FAM177A1: variants seen among roughly 807,000 people sequenced by gnomAD.
The protein encoded by FAM177A1 is protein FAM177A1.
A neutral mutation model predicts 26.1 loss-of-function variants in FAM177A1; 22 were observed. The observed-to-expected ratio is 0.84, with a 90% CI of 0.60 to 1.20. The LOEUF is 1.20. Ranked by LOEUF, FAM177A1 falls within the 50% of genes most tolerant of loss-of-function variation. The probability of loss-of-function intolerance (pLI) is 0.00; values close to 1 mark genes in which losing one functional copy is unlikely to be tolerated. For missense variants in FAM177A1, 296 were observed against 291.1 expected (o/e 1.02, Z -0.12); for synonymous variants, 95 against 99.3 (o/e 0.96, Z 0.26).
At chr14:35,061,676 A>G (rs1449635028) in intron 2 of FAM177A1, among the ~76,000 whole-genome samples, 2 of 149,694 alleles carry the variant, frequency 1.3e-5, no homozygotes, top group Admixed American at 6.7e-5. Flanking sequence ...TGACAAGTTA[A>G]TGGGTGCAGC....
chr14:35,066,801 A>G (rs934893272), intron 2 of FAM177A1, among the ~76,000 whole-genome samples: 1 of 143,074 alleles, frequency 7.0e-6, no homozygotes, highest in African/African-American at 2.6e-5. Context: ...TGAATCTTGA[A>G]TCTTTTTTTT....
intron 1 of FAM177A1, among the ~76,000 whole-genome samples, chr14:35,049,026 G>A (rs1213968178): frequency 6.6e-6 from 1 of 151,960 alleles, no homozygotes; most frequent in Non-Finnish European, 1.5e-5. Context: ...GAGTAGCTAG[G>A]ACTACAGGCG....
rs765467452 is a variant in FAM177A1, at chr14:35,046,531, C to T, written c.68C>T (p.Thr23Met). Residue 23 changes from threonine (T) to methionine (M), a missense_variant, in exon 1 of 5, where the codon ACG becomes ATG. By Grantham distance (81) the Thr-to-Met change is moderately conservative. Transcript: ENST00000280987. ...GCCAGCAGCCCTGTGGTGGCGACGACGATGGACCAGGAGCCAGTGGGCGGT... is the reference window on the plus strand; with the variant it reads ...GCCAGCAGCCCTGTGGTGGCGACGATGATGGACCAGGAGCCAGTGGGCGGT... ...TSASSPVVATTMDQEPVGGVE... is the reference protein window; with the variant it reads ...TSASSPVVATMMDQEPVGGVE... The T allele has an allele frequency of 1.7e-5, 28 of 1,602,842 alleles. No individual in the cohort carries two copies. The South Asian group carries it at 2.8e-4, about 16-fold the overall frequency.
chr14:35,062,985 TA>T (rs1001005786), intron 2 of FAM177A1, among the ~76,000 whole-genome samples: 290 of 140,078 alleles, frequency 2.1e-3, no homozygotes, highest in African/African-American at 5.3e-3. Context: ...TAGTATCATT[TA>T]AAAAAAAAAA....
chr14:35,059,969 TTTTTG>T (rs994481635), intron 2 of FAM177A1, among the ~76,000 whole-genome samples: 5 of 149,476 alleles, frequency 3.3e-5, no homozygotes, highest in African/African-American at 1.2e-4. Context: ...CTGGCTGTTT[TTTTTG>T]TTTTGTTTTG....
rs2045508498 is a variant in FAM177A1, at chr14:35,082,933, G to A, written c.*1705G>A. On this transcript the variant is annotated 3_prime_UTR_variant, in exon 5 of 5. Coordinates refer to ENST00000280987, the MANE Select transcript of FAM177A1 (RefSeq NM_173607.5). ...GGAATGGTGGTTCATAGTAAGTGATGGTAATCTTTTTATTCATGGGTGTAA... is the reference window on the plus strand; with the variant it reads ...GGAATGGTGGTTCATAGTAAGTGATAGTAATCTTTTTATTCATGGGTGTAA... 1 of 152,078 alleles carries A rather than the reference G, an allele frequency of 6.6e-6. No homozygotes were observed. 9.4% of individuals were successfully genotyped at this position (152,078 alleles called of 1,614,324 possible).
chr14:35,052,516 G>T (rs1395361494), intron 1 of FAM177A1, among the ~76,000 whole-genome samples: 1 of 151,930 alleles, frequency 6.6e-6, no homozygotes, highest in South Asian at 2.1e-4. Context: ...CCAACTTCAG[G>T]CAGTTTTATT....
chr14:35,060,130 T>C (rs560563243), intron 2 of FAM177A1, among the ~76,000 whole-genome samples: 1 of 152,118 alleles, frequency 6.6e-6, no homozygotes, highest in East Asian at 1.9e-4. Flanking sequence ...TGCACCACCA[T>C]GCCCGGGCTA....
At chr14:35,063,528 A>G (rs926638703) in intron 2 of FAM177A1, among the ~76,000 whole-genome samples, 2 of 151,932 alleles carry the variant, frequency 1.3e-5, no homozygotes, top group African/African-American at 4.8e-5. Context: ...CAGTGAGTCA[A>G]GATCCCGCCA....
At chr14:35,063,327 C>G (rs574432522) in intron 2 of FAM177A1, among the ~76,000 whole-genome samples, 12 of 151,982 alleles carry the variant, frequency 7.9e-5, no homozygotes, top group African/African-American at 2.9e-4. Flanking sequence ...AATCCCAGCA[C>G]TTTGGGAAGC....
chr14:35,083,111 ATATT>A lies in FAM177A1; in HGVS notation c.*1889_*1892del, dbSNP rs906752186. The A allele has an allele frequency of 5.2e-5, 8 of 152,636 alleles. No individual in the cohort carries two copies. The highest frequency in any genetic ancestry group is 3.4e-3 in the Middle Eastern group (1 of 294). The allele number at this position is 152,636 out of a possible 1,614,324, so 9.5% of individuals were successfully genotyped here. ...TCGAGATAGTACCTCTCACTCACAG[ATATT>A]TATTTGGTTATCAAGTGAAGATAGG... On this transcript the variant is annotated 3_prime_UTR_variant, in exon 5 of 5. Coordinates refer to ENST00000280987, the MANE Select transcript of FAM177A1 (RefSeq NM_173607.5).
At chr14:35,070,088 C>T (rs1189472233) in intron 2 of FAM177A1, among the ~76,000 whole-genome samples, 1 of 120,944 alleles carries the variant, frequency 8.3e-6, no homozygotes, top group African/African-American at 3.3e-5. Flanking sequence ...GCACTCCAGC[C>T]TGGGCGACAG....
chr14:35,061,757 G>GTATAA (rs1475383777), intron 2 of FAM177A1, among the ~76,000 whole-genome samples: 1 of 147,124 alleles, frequency 6.8e-6, no homozygotes, highest in African/African-American at 2.6e-5. Flanking sequence ...AAAACTTAAA[G>GTATAA]TATAATAATA....
At chr14:35,055,591 G>A (rs979504504) in intron 2 of FAM177A1, among the ~76,000 whole-genome samples, 4 of 151,294 alleles carry the variant, frequency 2.6e-5, no homozygotes, top group Non-Finnish European at 2.9e-5. Flanking sequence ...ACACCTCCAC[G>A]CCCGGCTAAT....
intron 2 of FAM177A1, among the ~76,000 whole-genome samples, chr14:35,058,452 T>C (rs1381165850): frequency 6.6e-6 from 1 of 152,234 alleles, no homozygotes; most frequent in Non-Finnish European, 1.5e-5. Context: ...CAGATTTGTT[T>C]AATGTACTTT....
intron 2 of FAM177A1, among the ~76,000 whole-genome samples, chr14:35,059,415 G>C (rs1166363594): frequency 1.3e-5 from 2 of 151,294 alleles, no homozygotes; most frequent in Non-Finnish European, 2.9e-5. Context: ...TGTTGATTTA[G>C]TTGGATTTAC....
intron 2 of FAM177A1, among the ~76,000 whole-genome samples, chr14:35,058,360 A>G (rs901675612): frequency 6.6e-6 from 1 of 152,092 alleles, no homozygotes; most frequent in African/African-American, 2.4e-5. Context: ...CACCGTGTCC[A>G]GCCCCTATTT....
intron 2 of FAM177A1, among the ~76,000 whole-genome samples, chr14:35,066,306 G>C (rs2045240257): frequency 6.7e-6 from 1 of 150,168 alleles, no homozygotes; most frequent in African/African-American, 2.5e-5. Context: ...CGGCTCAAAT[G>C]ATCCTCCTAT....
At chr14:35,054,928 G>A (rs905807752) in intron 2 of FAM177A1, 2 of 152,246 alleles carry the variant, frequency 1.3e-5, no homozygotes, top group African/African-American at 2.4e-5. Context: ...GGTGGGCCAA[G>A]ATCGTGCCAT....
Sources: allele counts gnomAD v4.1 joint callset (sites outside exome capture counted in the v4.1 genomes callset), GRCh38; gene constraint gnomAD v4.1.1; transcripts MANE v1.5; gene names NCBI Gene and HGNC (gene_info 2026-07-23, HGNC 2026-07-21).